PRRX1: variants seen among roughly 807,000 people sequenced by gnomAD.
PRRX1 encodes paired related homeobox 1.
In PRRX1, 8 loss-of-function variants were observed where a neutral mutation model predicts 24.0. The ratio of observed to expected loss-of-function variants is 0.33; its 90% CI spans 0.20 to 0.60. PRRX1 has a LOEUF of 0.60. PRRX1 is among the 20% of genes least tolerant of loss of function. The pLI is 0.82. For synonymous variants in PRRX1, 160 were observed against 131.7 expected, an observed-to-expected ratio of 1.22 and a Z score of -1.47; for missense variants, 281 against 322.4, an observed-to-expected ratio of 0.87 and a Z score of 0.98.
chr1:170,719,676 G>C (rs759430905), intron 1 of PRRX1, 50 bp from the exon 2 acceptor site: 5 of 1,585,550 alleles, frequency 3.2e-6, no homozygotes, highest in Admixed American at 1.7e-5. Flanking sequence ...GTCTTAACTG[G>C]GACTCCTACA....
intron 1 of PRRX1, among the ~76,000 whole-genome samples, chr1:170,677,387 C>T (rs1190057793): frequency 6.6e-6 from 1 of 152,102 alleles, no homozygotes; most frequent in Non-Finnish European, 1.5e-5. Flanking sequence ...TTATAAATGC[C>T]CTTTAGGGCA....
At chr1:170,717,608 C>CT (rs879901322) in intron 1 of PRRX1, among the ~76,000 whole-genome samples, 1,529 of 139,378 alleles carry the variant, frequency 0.011, 19 homozygotes, top group African/African-American at 0.027. Flanking sequence ...AAGGATTTTT[C>CT]TTTTTTTTTT....
chr1:170,725,231 G>A (rs1400787681), intron 2 of PRRX1, among the ~76,000 whole-genome samples: 1 of 152,170 alleles, frequency 6.6e-6, no homozygotes, highest in East Asian at 1.9e-4. Context: ...TGCAAACAGA[G>A]ACAGTTTGAC....
chr1:170,698,243 G>C (rs1654238115), intron 1 of PRRX1, among the ~76,000 whole-genome samples: 1 of 152,104 alleles, frequency 6.6e-6, no homozygotes, highest in Non-Finnish European at 1.5e-5. Flanking sequence ...CAAGGTGACA[G>C]AAACACTGAT....
rs1476502323 is a variant in PRRX1, at chr1:170,664,232, A to C, written c.14A>C (p.Tyr5Ser). 3 of 1,611,268 alleles carry C rather than the reference A, an allele frequency of 1.9e-6. No individual in the cohort carries two copies. In the South Asian group the frequency reaches 3.3e-5, roughly 18 times the overall value. The change falls in exon 1 of 4, where the codon TAC becomes TCC. Residue 5 changes from tyrosine to serine, a missense_variant. Transcript: ENST00000239461. MTSS[Y>S]GHVLERQPAL... ...GTGGGGGAGACCATGACCTCCAGCT[A>C]CGGGCACGTTCTGGAGCGGCAACCG...
chr1:170,694,627 T>TA (rs1654105788), intron 1 of PRRX1, among the ~76,000 whole-genome samples: 1 of 152,296 alleles, frequency 6.6e-6, no homozygotes, highest in African/African-American at 2.4e-5. Context: ...CCACAGTATT[T>TA]ACCGCTGTTT....
intron 1 of PRRX1, among the ~76,000 whole-genome samples, chr1:170,679,623 TCTCCTGACCTTGTGATCCGC>T (rs1286749008): frequency 5.3e-5 from 8 of 152,224 alleles, no homozygotes; most frequent in Non-Finnish European, 1.0e-4. Flanking sequence ...ATGGTCTCGA[TCTCCTGACCTTGTGATCCGC>T]CCACCTCGGC....
intron 3 of PRRX1, among the ~76,000 whole-genome samples, chr1:170,729,603 A>T (rs532421787): frequency 6.6e-6 from 1 of 152,302 alleles, no homozygotes; most frequent in African/African-American, 2.4e-5. Context: ...TAATTATACT[A>T]GGACAACAGG....
At chr1:170,706,466 A>G (rs942654369) in intron 1 of PRRX1, among the ~76,000 whole-genome samples, 2 of 152,220 alleles carry the variant, frequency 1.3e-5, no homozygotes, top group African/African-American at 4.8e-5. Flanking sequence ...ATAGAAACCT[A>G]GATTGGCAAA....
intron 1 of PRRX1, among the ~76,000 whole-genome samples, chr1:170,716,388 T>A (rs1654907554): frequency 1.3e-5 from 2 of 152,046 alleles, no homozygotes; most frequent in African/African-American, 4.8e-5. Flanking sequence ...ATCGAGACCA[T>A]CCCGGCTAAC....
intron 1 of PRRX1, among the ~76,000 whole-genome samples, chr1:170,693,786 G>A (rs1654069687): frequency 6.6e-6 from 1 of 152,078 alleles, no homozygotes; most frequent in African/African-American, 2.4e-5. Context: ...GGAGACACAA[G>A]ATCGAGGGAC....
At chr1:170,673,362 A>G (rs1653204812) in intron 1 of PRRX1, among the ~76,000 whole-genome samples, 1 of 152,162 alleles carries the variant, frequency 6.6e-6, no homozygotes, top group Non-Finnish European at 1.5e-5. Context: ...TACTACTGGG[A>G]CAGTTGCTAA....
chr1:170,691,096 T>C (rs931726598), intron 1 of PRRX1, among the ~76,000 whole-genome samples: 3 of 152,092 alleles, frequency 2.0e-5, no homozygotes, highest in African/African-American at 7.2e-5. Flanking sequence ...GAGAGCAAGG[T>C]AATGTAGCCT....
intron 1 of PRRX1, among the ~76,000 whole-genome samples, chr1:170,696,618 A>G (rs1040499192): frequency 6.6e-6 from 1 of 152,200 alleles, no homozygotes; most frequent in African/African-American, 2.4e-5. Flanking sequence ...AATTACTTTA[A>G]AAGGTAGGAA....
Position 170,698,687 on chromosome 1 carries a change from C to T in PRRX1, c.242-21039C>T, listed in dbSNP as rs551363701. Among the ~76,000 whole-genome samples, 5 of 152,194 alleles carry T rather than the reference C, an allele frequency of 3.3e-5. No individual in the cohort carries two copies. The East Asian group carries it at 7.7e-4, about 23-fold the overall frequency. ...CAGAACACATTCAGAGCAGAATTGG[C>T]GTAAAGTTGTTGCTGATTTGATTTG... On this transcript the variant is annotated intron_variant, in intron 1 of 3. Transcript: ENST00000239461.
chr1:170,681,660 A>G (rs1653512308), intron 1 of PRRX1, among the ~76,000 whole-genome samples: 1 of 152,182 alleles, frequency 6.6e-6, no homozygotes, highest in Non-Finnish European at 1.5e-5. Context: ...TGAGGAGTTG[A>G]TTTTGACCAT....
At chr1:170,730,050 T>G (rs560936662) in intron 3 of PRRX1, among the ~76,000 whole-genome samples, 3 of 152,218 alleles carry the variant, frequency 2.0e-5, no homozygotes, top group Non-Finnish European at 4.4e-5. Flanking sequence ...CTAGGTGAAG[T>G]GGATAGTGAA....
intron 1 of PRRX1, among the ~76,000 whole-genome samples, chr1:170,705,935 T>TACACACACACACAC (rs71125270): frequency 2.3e-4 from 33 of 146,420 alleles, no homozygotes; most frequent in African/African-American, 7.0e-4. Flanking sequence ...CACACACACA[T>TACACACACACACAC]ACACACACAC....
chr1:170,677,285 T>C (rs1653353232), intron 1 of PRRX1, among the ~76,000 whole-genome samples: 1 of 152,248 alleles, frequency 6.6e-6, no homozygotes, highest in Non-Finnish European at 1.5e-5. Context: ...GGCACATTAA[T>C]ATTTATCACG....
Sources: gnomAD v4.1 joint callset for allele counts (sites outside exome capture counted in the v4.1 genomes callset) on GRCh38, gnomAD v4.1.1 for gene constraint, MANE v1.5 for transcripts, NCBI Gene and HGNC (gene_info 2026-07-23, HGNC 2026-07-21) for gene names.